The following DOCK9 variants were observed in gnomAD, a reference collection of about 807,000 sequenced individuals.
The protein encoded by DOCK9 is dedicator of cytokinesis 9, also known as dedicator of cytokinesis protein 9.
A neutral mutation model predicts 263.3 loss-of-function variants in DOCK9; 89 were observed. That is an observed-to-expected ratio of 0.34 (90% confidence interval 0.28 to 0.40). The LOEUF (loss-of-function observed/expected upper bound fraction) is 0.40, where lower values mean the gene tolerates loss of function less well. DOCK9 is among the 10% of genes least tolerant of loss of function. The probability of loss-of-function intolerance (pLI) is 1.00; values close to 1 mark genes in which losing one functional copy is unlikely to be tolerated. For missense variants in DOCK9, 2,140 were observed against 2,603.4 expected, an observed-to-expected ratio of 0.82 and a Z score of 3.87; for synonymous variants, 976 against 973.1, an observed-to-expected ratio of 1.00 and a Z score of -0.06.
chr13:99,071,652 CAA>C (rs1223008566), intron 1 of DOCK9, among the ~76,000 whole-genome samples: 1 of 151,826 alleles, frequency 6.6e-6, no homozygotes, highest in Non-Finnish European at 1.5e-5. Context: ...GGACAGGAGG[CAA>C]GAGAAGCAGG....
At chr13:98,859,530 T>G (rs892595415) in intron 33 of DOCK9, 2 of 152,052 alleles carry the variant, frequency 1.3e-5, no homozygotes, top group African/African-American at 4.8e-5. Context: ...AGACATAATC[T>G]CAGAGTGGGC....
rs776575921 is a variant in DOCK9, at chr13:98,831,657, T to C, written c.4444A>G (p.Ile1482Val). Residue 1482 changes from isoleucine (I) to valine (V), a missense_variant, in exon 40 of 53, where the codon ATT (isoleucine) becomes GTT (valine). Coordinates refer to ENST00000682017, the MANE Select transcript of DOCK9 (RefSeq NM_001366683.2). Reference sequence around the variant, plus strand: ...CCCATGAAGCAACTTACCTTATAAATTAAGGACCTTAAGGCAGTGAAGACA... The same window carrying C: ...CCCATGAAGCAACTTACCTTATAAACTAAGGACCTTAAGGCAGTGAAGACA... The part of the protein sequence containing the change: ...KNVFTALRSL[I>V]YKFPSTFYEG... 6.2e-7 allele frequency: 1 copy of C among 1,612,930 alleles called. No individual in the cohort carries two copies. Among genetic ancestry groups the C allele is most frequent in the East Asian group, 2.2e-5 (1 of 44,880 alleles).
chr13:98,998,252 A>G (rs779010243), intron 1 of DOCK9, among the ~76,000 whole-genome samples: 2 of 152,162 alleles, frequency 1.3e-5, no homozygotes, highest in Non-Finnish European at 1.5e-5. Context: ...AGACACCCAC[A>G]GCGCACATGT....
chr13:98,997,996 C>T (rs943981376), intron 1 of DOCK9, among the ~76,000 whole-genome samples: 24 of 152,232 alleles, frequency 1.6e-4, no homozygotes, highest in Non-Finnish European at 2.8e-4. Flanking sequence ...GGCCATTCTG[C>T]TCTTCCAAGA....
chr13:99,075,020 T>C (rs976336525), intron 1 of DOCK9, among the ~76,000 whole-genome samples: 1 of 152,232 alleles, frequency 6.6e-6, no homozygotes, highest in Admixed American at 6.5e-5. Context: ...TATGATTTAA[T>C]GTTGCATCTT....
intron 1 of DOCK9, among the ~76,000 whole-genome samples, chr13:99,012,388 C>T (rs1447195840): frequency 2.0e-5 from 3 of 152,162 alleles, no homozygotes; most frequent in East Asian, 3.8e-4. Context: ...TGGGTGGCCT[C>T]GAGCCCTTTA....
intron 1 of DOCK9, among the ~76,000 whole-genome samples, chr13:99,008,882 C>T (rs1192647954): frequency 6.6e-6 from 1 of 152,176 alleles, no homozygotes; most frequent in Admixed American, 6.5e-5. Flanking sequence ...GACCCTATTG[C>T]CAAACACAGT....
intron 11 of DOCK9, 130 bp downstream of exon 11, chr13:98,902,842 A>G (rs573567114): frequency 2.1e-6 from 2 of 951,156 alleles, no homozygotes; most frequent in African/African-American, 3.3e-5. Context: ...CAACCTCCAT[A>G]TCCTGATCCA....
intron 25 of DOCK9, 48 bp from the exon 26 acceptor site, chr13:98,880,720 G>A: frequency 6.3e-7 from 1 of 1,596,790 alleles, no homozygotes; most frequent in Non-Finnish European, 8.5e-7. Flanking sequence ...TCTCCAATGT[G>A]GGCTGAAAGC....
At chr13:98,950,008 G>A in intron 2 of DOCK9, 1 of 490,992 alleles carries the variant, frequency 2.0e-6, no homozygotes, top group East Asian at 5.0e-5. Context: ...ATGAGTTCTT[G>A]GACAGACTTT....
chr13:98,936,726 T>C (rs2054912221), intron 2 of DOCK9, among the ~76,000 whole-genome samples: 1 of 152,156 alleles, frequency 6.6e-6, no homozygotes, highest in Non-Finnish European at 1.5e-5. Flanking sequence ...ATAAGTTTTT[T>C]CTCCCTATTA....
At chr13:98,926,912 C>T (rs749431759) in intron 3 of DOCK9, among the ~76,000 whole-genome samples, 3 of 152,004 alleles carry the variant, frequency 2.0e-5, no homozygotes, top group Non-Finnish European at 2.9e-5. Flanking sequence ...TTCACTTCAT[C>T]GTTTCTACTG....
chr13:98,992,919 T>C (rs553064435), intron 1 of DOCK9, among the ~76,000 whole-genome samples: 1 of 152,074 alleles, frequency 6.6e-6, no homozygotes, highest in South Asian at 2.1e-4. Flanking sequence ...GAGTAAAAGG[T>C]GTTCAAGCAA....
intron 2 of DOCK9, among the ~76,000 whole-genome samples, chr13:98,934,380 G>A (rs972948518): frequency 9.2e-5 from 14 of 152,190 alleles, no homozygotes; most frequent in African/African-American, 3.1e-4. Context: ...CATTGCAGGC[G>A]AGATACTACA....
At chr13:98,870,277 G>C (rs932545361) in intron 27 of DOCK9, among the ~76,000 whole-genome samples, 8 of 152,100 alleles carry the variant, frequency 5.3e-5, no homozygotes, top group African/African-American at 1.9e-4. Flanking sequence ...ACCTTACATA[G>C]AGTCAAGAAT....
intron 1 of DOCK9, among the ~76,000 whole-genome samples, chr13:99,047,039 C>T (rs901832654): frequency 3.3e-5 from 5 of 152,030 alleles, no homozygotes; most frequent in Admixed American, 1.3e-4. Flanking sequence ...ATTTAAAACA[C>T]GGCCAAACAG....
chr13:98,862,934 C>G, intron 32 of DOCK9, 85 bp downstream of exon 32: 1 of 1,192,090 alleles, frequency 8.4e-7, no homozygotes, highest in Non-Finnish European at 1.2e-6. Flanking sequence ...ACTGCTGCTG[C>G]TCTAAGCCAC....
At chr13:99,083,630 T>G (rs1278162386) in intron 1 of DOCK9, among the ~76,000 whole-genome samples, 1 of 152,260 alleles carries the variant, frequency 6.6e-6, no homozygotes, top group African/African-American at 2.4e-5. Context: ...ACTTTTTGTA[T>G]GCTTATTTTC....
rs199953777 is a variant in DOCK9 at position 98,837,500 on chromosome 13, C to T, written c.4308G>A (p.Ala1436=). The T allele has an allele frequency of 1.9e-5, 31 of 1,610,004 alleles. No individual in the cohort carries two copies. Among genetic ancestry groups the T allele is most frequent in the Non-Finnish European group, 2.5e-5 (29 of 1,176,702 alleles). Residue 1436 remains alanine (A), a synonymous_variant, in exon 39 of 53, where the codon GCG becomes GCA. Coordinates refer to ENST00000682017, the MANE Select transcript of DOCK9 (RefSeq NM_001366683.2). The part of the protein sequence containing the change: ...ALDTLSLFTL[A]FKNQLLADHG... Reference sequence around the variant, plus strand: ...ACAGCAAATTGATACAAACCTTAAACGCCAATGTAAATAGAGAAAGCGTGT... The same window carrying T: ...ACAGCAAATTGATACAAACCTTAAATGCCAATGTAAATAGAGAAAGCGTGT...
Sources: gnomAD v4.1 joint callset for allele counts (sites outside exome capture counted in the v4.1 genomes callset) on GRCh38, gnomAD v4.1.1 for gene constraint, MANE v1.5 for transcripts, NCBI Gene and HGNC (gene_info 2026-07-23, HGNC 2026-07-21) for gene names.